Variants in DPYS observed in about 807,000 individuals in gnomAD.
DPYS encodes dihydropyrimidine amidohydrolase.
DPYS carries 39 observed loss-of-function variants against 50.3 expected under a neutral mutation model. The observed-to-expected ratio is 0.78, with a 90% CI of 0.60 to 1.01. The LOEUF (loss-of-function observed/expected upper bound fraction) is 1.01, where lower values mean the gene tolerates loss of function less well. Ranked by LOEUF, DPYS falls within the 50% of genes least tolerant of loss-of-function variation. The probability of loss-of-function intolerance (pLI) is 0.00; values close to 1 mark genes in which losing one functional copy is unlikely to be tolerated. For missense variants in DPYS, 659 were observed against 680.9 expected, an observed-to-expected ratio of 0.97 and a Z score of 0.36; for synonymous variants, 245 against 250.7, an observed-to-expected ratio of 0.98 and a Z score of 0.22.
intron 2 of DPYS, among the ~76,000 whole-genome samples, chr8:104,450,155 G>A (rs1426140271): frequency 6.4e-5 from 4 of 62,718 alleles, no homozygotes; most frequent in Non-Finnish European, 1.1e-4. Flanking sequence ...AGAAGGAAGG[G>A]AGGAAGGGAG....
intron 1 of DPYS, among the ~76,000 whole-genome samples, chr8:104,455,038 C>T (rs7004911): frequency 0.063 from 9,650 of 152,110 alleles, 1,006 homozygotes; most frequent in African/African-American, 0.22. Flanking sequence ...TACAGAAAAC[C>T]CAGATGACGG....
chr8:104,463,699 T>C, intron 1 of DPYS, among the ~76,000 whole-genome samples: 1 of 152,236 alleles, frequency 6.6e-6, no homozygotes, highest in Admixed American at 6.5e-5. Flanking sequence ...AAAATAGATG[T>C]TACTTAAAGG....
At position 104,460,000 on chromosome 8, in the gene DPYS, G is replaced by A. The variant is rs534646866; in HGVS notation, c.264+6657C>T. Among the ~76,000 whole-genome samples, 13 of 151,958 alleles carry A rather than the reference G, an allele frequency of 8.6e-5. No homozygotes were observed. The South Asian group carries it at 1.7e-3, about 19-fold the overall frequency. ...ATAACCCCCCAAATCTAGCCCCCTCGTTGAGTCACATTTTTCTGTGAATTC... is the reference window on the plus strand; with the variant it reads ...ATAACCCCCCAAATCTAGCCCCCTCATTGAGTCACATTTTTCTGTGAATTC... On this transcript the variant is annotated intron_variant, in intron 1 of 9. Coordinates refer to ENST00000351513, the MANE Select transcript of DPYS (RefSeq NM_001385.3).
intron 7 of DPYS, among the ~76,000 whole-genome samples, chr8:104,400,987 C>T (rs531152317): frequency 6.6e-6 from 1 of 152,178 alleles, no homozygotes; most frequent in Admixed American, 6.5e-5. Context: ...CACCCATATG[C>T]ATTCAGAAGG....
intron 8 of DPYS, among the ~76,000 whole-genome samples, chr8:104,392,094 T>TC (rs1811407003): frequency 6.6e-6 from 1 of 152,188 alleles, no homozygotes; most frequent in African/African-American, 2.4e-5. Flanking sequence ...AGCCCAAAAC[T>TC]CCACCATTGC....
chr8:104,434,313 G>T (rs746382811), intron 4 of DPYS, among the ~76,000 whole-genome samples: 11 of 152,164 alleles, frequency 7.2e-5, no homozygotes, highest in Non-Finnish European at 2.9e-5. Flanking sequence ...AATTGTAAAT[G>T]GTTTTTATTA....
At chr8:104,451,437 T>C in intron 1 of DPYS, 33 bp from the exon 2 acceptor site, 1 of 1,613,266 alleles carries the variant, frequency 6.2e-7, no homozygotes, top group African/African-American at 1.3e-5. Context: ...ACAAATTAGC[T>C]ATCAATTTCC....
At chr8:104,404,801 C>T (rs561615279) in intron 7 of DPYS, among the ~76,000 whole-genome samples, 28 of 152,384 alleles carry the variant, frequency 1.8e-4, no homozygotes, top group African/African-American at 5.8e-4. Context: ...TTTGTTGCTG[C>T]TTTTGCACTA....
intron 7 of DPYS, among the ~76,000 whole-genome samples, chr8:104,409,662 C>A (rs747214604): frequency 2.0e-5 from 3 of 152,080 alleles, no homozygotes; most frequent in Non-Finnish European, 4.4e-5. Context: ...TTGGTATCTC[C>A]CTACTACTGT....
chr8:104,455,144 GA>G (rs977574306), intron 1 of DPYS, among the ~76,000 whole-genome samples: 2 of 150,892 alleles, frequency 1.3e-5, no homozygotes, highest in Non-Finnish European at 3.0e-5. Flanking sequence ...GTAAAATAAA[GA>G]AAAAAAAACT....
chr8:104,424,860 C>G (rs1812669227), intron 6 of DPYS, among the ~76,000 whole-genome samples: 1 of 142,796 alleles, frequency 7.0e-6, no homozygotes, highest in African/African-American at 2.6e-5. Flanking sequence ...GAATTTCACT[C>G]TCGTTGCCCA....
intron 6 of DPYS, among the ~76,000 whole-genome samples, chr8:104,427,211 A>AT (rs1298291086): frequency 2.3e-4 from 35 of 150,546 alleles, no homozygotes; most frequent in African/African-American, 7.3e-4. Context: ...AAAAAAAAAA[A>AT]AAAAAAAAGA....
chr8:104,448,821 G>A (rs973513539), intron 2 of DPYS, among the ~76,000 whole-genome samples: 22 of 152,136 alleles, frequency 1.4e-4, no homozygotes, highest in Non-Finnish European at 1.3e-4. Context: ...AATATTACAC[G>A]TGAATTTACT....
At chr8:104,463,386 A>G (rs1814238459) in intron 1 of DPYS, among the ~76,000 whole-genome samples, 1 of 152,234 alleles carries the variant, frequency 6.6e-6, no homozygotes, top group African/African-American at 2.4e-5. Flanking sequence ...TCTATTTTTG[A>G]GAAAAGATGC....
intron 4 of DPYS, 144 bp from the exon 5 acceptor site, chr8:104,429,845 G>A (rs574376007): frequency 2.0e-6 from 2 of 1,011,406 alleles, no homozygotes; most frequent in African/African-American, 3.2e-5. Flanking sequence ...ATTTACTTTT[G>A]TGGACAGGAT....
chr8:104,456,151 C>T (rs2669427), intron 1 of DPYS, among the ~76,000 whole-genome samples: 89,959 of 151,926 alleles, frequency 0.59, 27,019 homozygotes, highest in African/African-American at 0.67. Flanking sequence ...GAGCCACAGG[C>T]CATAGCATAT....
chr8:104,388,818 GT>G (rs1564078847), intron 8 of DPYS, among the ~76,000 whole-genome samples: 1 of 152,122 alleles, frequency 6.6e-6, no homozygotes, highest in Non-Finnish European at 1.5e-5. Flanking sequence ...AAAAGATCCA[GT>G]AACAGTAATA....
At chr8:104,383,209 C>T (rs191019468) in intron 8 of DPYS, among the ~76,000 whole-genome samples, 5 of 152,318 alleles carry the variant, frequency 3.3e-5, no homozygotes, top group Non-Finnish European at 5.9e-5. Context: ...TGGTAGCTTC[C>T]GGTCAGGGCC....
chr8:104,398,099 C>A (rs1057427365), intron 7 of DPYS, among the ~76,000 whole-genome samples: 3 of 152,208 alleles, frequency 2.0e-5, no homozygotes, highest in Non-Finnish European at 4.4e-5. Context: ...CTGGGGAATT[C>A]TCCCCATGGC....
Sources: gnomAD v4.1 joint callset for allele counts (sites outside exome capture counted in the v4.1 genomes callset) on GRCh38, gnomAD v4.1.1 for gene constraint, MANE v1.5 for transcripts, NCBI Gene and HGNC (gene_info 2026-07-23, HGNC 2026-07-21) for gene names.